Variants in TTC38 observed in about 807,000 individuals in gnomAD.
The protein encoded by TTC38 is tetratricopeptide repeat protein 38.
TTC38 carries 64 observed loss-of-function variants against 64.2 expected under a neutral mutation model. That is an observed-to-expected ratio of 1.00 (90% CI 0.81 to 1.23). The LOEUF (loss-of-function observed/expected upper bound fraction) is 1.23, where lower values mean the gene tolerates loss of function less well. Ranked by LOEUF, TTC38 falls within the 50% of genes most tolerant of loss-of-function variation. TTC38 has a pLI of 0.00. For missense variants in TTC38, 573 were observed against 615.5 expected (o/e 0.93, Z 0.73); for synonymous variants, 254 against 249.3 (o/e 1.02, Z -0.18).
At chr22:46,280,163 C>T (rs1370911632) in intron 6 of TTC38, 2 of 471,140 alleles carry the variant, frequency 4.2e-6, no homozygotes, top group African/African-American at 2.0e-5. Flanking sequence ...AACACATGGG[C>T]TCTGTGTCTG....
rs1280118850 is a variant in TTC38 at position 46,275,947 on chromosome 22, A to T, written c.539+526A>T. On this transcript the variant is annotated intron_variant, in intron 5 of 13. Transcript: ENST00000381031. The surrounding 1 kb of genome is among the most constrained non-coding windows in gnomAD (Gnocchi z 4.5). ...ACATGACCTCACCCACCCACAAGAG[A>T]CCAGGAAGTACAGTTCTACCGTGTG... 6.6e-6 allele frequency among the ~76,000 whole-genome samples: 1 copy of T among 152,136 alleles called. No individual in the cohort carries two copies.
chr22:46,274,675 G>A lies in TTC38; in HGVS notation c.366-573G>A, dbSNP rs1936969113. Among the ~76,000 whole-genome samples, 1 of 152,110 alleles carries A rather than the reference G, an allele frequency of 6.6e-6. No individual in the cohort carries two copies. Among genetic ancestry groups the A allele is most frequent in the African/African-American group, 2.4e-5 (1 of 41,412 alleles). ...GCCCAGGTGTGGGTTCCACCTCAGA[G>A]ACTTCCTGTGGCTGTCTCACGGTCT... On this transcript the variant is annotated intron_variant, in intron 4 of 13. Coordinates refer to ENST00000381031, the MANE Select transcript of TTC38 (RefSeq NM_017931.4). This position sits in a 1 kb window ranked among gnomAD's most constrained non-coding sequence, Gnocchi z 4.8.
Position 46,291,601 on chromosome 22 carries a change from G to C in TTC38, c.1317-1190G>C, listed in dbSNP as rs180816236. On this transcript the variant is annotated intron_variant, in intron 13 of 13. Coordinates refer to ENST00000381031, the MANE Select transcript of TTC38 (RefSeq NM_017931.4). The surrounding 1 kb of genome is among the most constrained non-coding windows in gnomAD (Gnocchi z 4.6). The stretch of plus-strand genomic sequence containing the variant: ...CCCTTCACACCACCCACGCCCTCTA[G>C]AACCACTGTTTTCAGGTGTTTGGGG... 8.3e-3 allele frequency among the ~76,000 whole-genome samples: 1,268 copies of C among 152,304 alleles called. 11 individuals are homozygous for C. Among genetic ancestry groups the C allele is most frequent in the Middle Eastern group, 0.031 (9 of 294 alleles).
chr22:46,280,931 T>C (rs1317834686), intron 6 of TTC38, among the ~76,000 whole-genome samples: 2 of 152,234 alleles, frequency 1.3e-5, no homozygotes, highest in Admixed American at 6.5e-5. Context: ...TTAGCAAACA[T>C]GAGCTGAACA....
intron 5 of TTC38, among the ~76,000 whole-genome samples, chr22:46,277,189 T>C (rs1039447942): frequency 5.3e-5 from 8 of 151,976 alleles, no homozygotes; most frequent in Non-Finnish European, 1.2e-4. Context: ...GCTAACATCT[T>C]AGTCTCAAAC....
rs377449286 is a variant in TTC38 at position 46,288,574 on chromosome 22, G to C, written c.1068G>C (p.Leu356=). ...PQTTQELLTT[L]RDASESPGEN... is the part of the protein sequence containing the mutation. ...CCACACAGGAGCTGCTGACCACCCT[G>C]CGGGACGCCAGCGAGTATGCAGAGG... The change falls in exon 11 of 14, where the codon CTG becomes CTC. Residue 356 remains leucine, a synonymous_variant. Transcript: ENST00000381031. 1.9e-5 allele frequency: 31 copies of C among 1,613,466 alleles called. No homozygotes were observed. In the African/African-American group the frequency reaches 3.9e-4, roughly 20 times the overall value.
chr22:46,274,122 G>A lies in TTC38; in HGVS notation c.365+53G>A, dbSNP rs1936957283. 3.9e-6 allele frequency: 6 copies of A among 1,543,378 alleles called. No individual in the cohort carries two copies. Among genetic ancestry groups the A allele is most frequent in the African/African-American group, 2.7e-5 (2 of 73,258 alleles). On this transcript the variant is annotated intron_variant, in intron 4 of 13. Transcript: ENST00000381031. This position sits in a 1 kb window ranked among gnomAD's most constrained non-coding sequence, Gnocchi z 4.8. ...GGCACCCTGAGGCTGAGCTGGGGGA[G>A]TGGCAGGGTATCCCTTTCCTGATGC...
chr22:46,288,824 C>A (rs192119313), intron 11 of TTC38, among the ~76,000 whole-genome samples: 1 of 152,340 alleles, frequency 6.6e-6, no homozygotes, highest in Admixed American at 6.5e-5. Flanking sequence ...CACAGAGCTG[C>A]CTCCATCCCC....
intron 10 of TTC38, 82 bp downstream of exon 10, chr22:46,287,236 T>G: frequency 7.5e-7 from 1 of 1,327,010 alleles, no homozygotes; most frequent in Non-Finnish European, 1.0e-6. Context: ...AGGCCCAGGG[T>G]TGGGCAAGAG....
At chr22:46,280,010 G>A (rs1341138477) in intron 6 of TTC38, 5 of 412,212 alleles carry the variant, frequency 1.2e-5, no homozygotes, top group Non-Finnish European at 2.5e-5. Flanking sequence ...AGAAGTGGTG[G>A]ATAGGGTCCC....
chr22:46,277,573 C>A (rs1013298103), intron 5 of TTC38, among the ~76,000 whole-genome samples: 38 of 144,328 alleles, frequency 2.6e-4, no homozygotes, highest in Admixed American at 7.2e-5. Context: ...CCACTGCACT[C>A]CAGCCTGGGC....
At position 46,274,026 on chromosome 22, in the gene TTC38, C is replaced by G; in HGVS notation, c.322C>G (p.Arg108Gly). Residue 108 changes from arginine to glycine, a missense_variant, in exon 4 of 14, where the codon CGG becomes GGG. By Grantham distance (125) the Arg-to-Gly change is moderately radical. Coordinates refer to ENST00000381031, the MANE Select transcript of TTC38 (RefSeq NM_017931.4). The surrounding 1 kb of genome is among the most constrained non-coding windows in gnomAD (Gnocchi z 4.8). ...TTCAAGAACCCAGCCGCTGACAAGG[C>G]GGGAGCAGCTGCACGTGTCTGCAGT... Reference protein sequence around the residue: ...EISRTQPLTRREQLHVSAVET... With the variant: ...EISRTQPLTRGEQLHVSAVET... The G allele has an allele frequency of 6.2e-7, 1 of 1,614,122 alleles. No homozygotes were observed. The highest frequency in any genetic ancestry group is 8.5e-7 in the Non-Finnish European group (1 of 1,180,020).
At position 46,291,614 on chromosome 22, in the gene TTC38, C is replaced by T. The variant is rs938791358; in HGVS notation, c.1317-1177C>T. On this transcript the variant is annotated intron_variant, in intron 13 of 13. Coordinates refer to ENST00000381031, the MANE Select transcript of TTC38 (RefSeq NM_017931.4). This position sits in a 1 kb window ranked among gnomAD's most constrained non-coding sequence, Gnocchi z 4.6. ...CCACGCCCTCTAGAACCACTGTTTT[C>T]AGGTGTTTGGGGGCTGTCTTAGTCA... is the stretch of plus-strand genomic sequence containing the variant. Among the ~76,000 whole-genome samples, 2 of 152,166 alleles carry T rather than the reference C, an allele frequency of 1.3e-5. No individual in the cohort carries two copies. The highest frequency in any genetic ancestry group is 2.4e-5 in the African/African-American group (1 of 41,452).
chr22:46,281,906 C>T lies in TTC38; in HGVS notation c.735+188C>T. On this transcript the variant is annotated intron_variant, in intron 7 of 13. Coordinates refer to ENST00000381031, the MANE Select transcript of TTC38 (RefSeq NM_017931.4). This position sits in a 1 kb window ranked among gnomAD's most constrained non-coding sequence, Gnocchi z 5.2. The stretch of plus-strand genomic sequence containing the variant: ...TGCAATCAAGATTCCAGTCCCCACC[C>T]CAGGCCCATACCTTGCCCTAGGGAC... 3 of 762,368 alleles carry T rather than the reference C, an allele frequency of 3.9e-6. No homozygotes were observed. Among genetic ancestry groups the T allele is most frequent in the Non-Finnish European group, 6.7e-6 (3 of 448,304 alleles). The allele number at this position is 762,368 out of a possible 1,614,324, so 47.2% of individuals were successfully genotyped here.
Position 46,287,118 on chromosome 22 carries a change from G to A in TTC38, c.880G>A (p.Asp294Asn). 6.2e-7 allele frequency: 1 copy of A among 1,605,826 alleles called. No homozygotes were observed. Among genetic ancestry groups the A allele is most frequent in the Non-Finnish European group, 8.5e-7 (1 of 1,176,556 alleles). Residue 294 changes from aspartate (D) to asparagine (N), a missense_variant, in exon 10 of 14, where the codon GAC (aspartate) becomes AAC (asparagine). This residue lies in a region of TTC38 where 371 missense variants were observed against 381.8 expected (regional missense o/e 0.97). Transcript: ENST00000381031. ...CAACGATGCAATGCTGGACGTGGTGGACAGCTGCTCCATGCTCTACCGCCT... is the reference window on the plus strand; with the variant it reads ...CAACGATGCAATGCTGGACGTGGTGAACAGCTGCTCCATGCTCTACCGCCT... ...QANDAMLDVV[D>N]SCSMLYRLQM...
Position 46,291,783 on chromosome 22 carries a change from C to T in TTC38, c.1317-1008C>T, listed in dbSNP as rs768546935. 1.3e-5 allele frequency among the ~76,000 whole-genome samples: 2 copies of T among 152,096 alleles called. No individual in the cohort carries two copies. The highest frequency in any genetic ancestry group is 2.1e-4 in the South Asian group (1 of 4,830). ...CAGCCTGGCTAATATGGTGAAACTC[C>T]GCCTCTACTAAAAATACAAAAAATT... On this transcript the variant is annotated intron_variant, in intron 13 of 13. Transcript: ENST00000381031. This position sits in a 1 kb window ranked among gnomAD's most constrained non-coding sequence, Gnocchi z 4.6.
At chr22:46,268,422 T>G (rs1601861264) in intron 1 of TTC38, 92 bp from the exon 2 acceptor site, 1 of 1,338,898 alleles carries the variant, frequency 7.5e-7, no homozygotes. Context: ...ATGAGGAAGG[T>G]GGAGGTCAGA....
chr22:46,274,102 C>A lies in TTC38; in HGVS notation c.365+33C>A, dbSNP rs757461083. On this transcript the variant is annotated intron_variant, in intron 4 of 13. Coordinates refer to ENST00000381031, the MANE Select transcript of TTC38 (RefSeq NM_017931.4). This position sits in a 1 kb window ranked among gnomAD's most constrained non-coding sequence, Gnocchi z 4.8. ...GCCTCCCTGGGCTGGGAGCTGGCAC[C>A]CTGAGGCTGAGCTGGGGGAGTGGCA... 1 of 1,563,634 alleles carries A rather than the reference C, an allele frequency of 6.4e-7. No individual in the cohort carries two copies. The highest frequency in any genetic ancestry group is 1.4e-5 in the African/African-American group (1 of 73,148).
At position 46,283,968 on chromosome 22, in the gene TTC38, T is replaced by C; in HGVS notation, c.736-5T>C. 1 of 1,561,462 alleles carries C rather than the reference T, an allele frequency of 6.4e-7. No individual in the cohort carries two copies. Among genetic ancestry groups the C allele is most frequent in the Non-Finnish European group, 8.7e-7 (1 of 1,149,052 alleles). On this transcript the variant is annotated splice_polypyrimidine_tract_variant and splice_region_variant and intron_variant, in intron 7 of 13. Coordinates refer to ENST00000381031, the MANE Select transcript of TTC38 (RefSeq NM_017931.4). ...CATAAATTCTCTTTTTTTTTTTTTC[T>C]CCAGGACTCTGATATGTTGGCTTGT...
Sources: allele counts gnomAD v4.1 joint callset (sites outside exome capture counted in the v4.1 genomes callset), GRCh38; gene constraint gnomAD v4.1.1; regional missense constraint gnomAD v4.1.1; non-coding constraint Gnocchi (gnomAD v3.1); transcripts MANE v1.5; gene names NCBI Gene and HGNC (gene_info 2026-07-23, HGNC 2026-07-21).